The following CCL17 variants were observed in gnomAD, a reference collection of about 807,000 sequenced individuals.
The protein encoded by CCL17 is C-C motif chemokine 17.
In CCL17, 8 loss-of-function variants were observed where a neutral mutation model predicts 7.4. The observed-to-expected ratio is 1.09, with a 90% confidence interval of 0.64 to 1.96. The LOEUF is 1.96. CCL17 is among the 30% of genes most tolerant of loss of function. The probability of loss-of-function intolerance (pLI) is 0.00; values close to 1 mark genes in which losing one functional copy is unlikely to be tolerated. For missense variants in CCL17, 102 were observed against 113.0 expected (o/e 0.90, Z 0.44); for synonymous variants, 40 against 46.1 (o/e 0.87, Z 0.54).
intron 1 of CCL17, among the ~76,000 whole-genome samples, chr16:57,410,161 C>A (rs558870817): frequency 6.6e-6 from 1 of 152,212 alleles, no homozygotes; most frequent in Non-Finnish European, 1.5e-5. Flanking sequence ...GTTCCGCCCA[C>A]TGCCTCGGGG....
At chr16:57,401,176 G>A (rs11861641), upstream of CCL17, among the ~76,000 whole-genome samples, 848 of 152,120 alleles carry the variant, frequency 5.6e-3, 10 homozygotes, top group African/African-American at 0.019. Context: ...GTGTGATGCC[G>A]CAAGATGTGG....
At chr16:57,407,915 C>T (rs1260157959) in intron 1 of CCL17, among the ~76,000 whole-genome samples, 1 of 151,518 alleles carries the variant, frequency 6.6e-6, no homozygotes, top group African/African-American at 2.4e-5. Flanking sequence ...ATTCATCTAC[C>T]CATCCATCTA....
chr16:57,403,482 ATAATAAT>A (rs1203693709), upstream of CCL17, among the ~76,000 whole-genome samples: 2 of 2,010 alleles, frequency 1.0e-3, no homozygotes, highest in Non-Finnish European at 3.0e-3. Flanking sequence ...TATATATTAT[ATAATAAT>A]ATATATATTA....
chr16:57,409,930 C>T (rs1023346943), intron 1 of CCL17, among the ~76,000 whole-genome samples: 9 of 152,282 alleles, frequency 5.9e-5, no homozygotes, highest in African/African-American at 1.4e-4. Flanking sequence ...CAGCTGTCAG[C>T]GATGGAGATG....
At chr16:57,403,451 A>T (rs1902632909), upstream of CCL17, among the ~76,000 whole-genome samples, 1 of 10,768 alleles carries the variant, frequency 9.3e-5, no homozygotes, top group Non-Finnish European at 1.4e-4. Context: ...TATATATTAT[A>T]TTATAATATA....
chr16:57,404,932 G>C (rs1902672829), intron 1 of CCL17, 96 bp downstream of exon 1: 1 of 154,238 alleles, frequency 6.5e-6, no homozygotes, highest in African/African-American at 2.4e-5. Context: ...GCGGTGGATG[G>C]ACTTTGGATC....
At chr16:57,414,341 T>C (rs1902832320) in intron 2 of CCL17, among the ~76,000 whole-genome samples, 1 of 151,970 alleles carries the variant, frequency 6.6e-6, no homozygotes. Context: ...TATTAACAGG[T>C]TTTATGCACA....
At chr16:57,397,298 T>TA in the CCL17 span, among the ~76,000 whole-genome samples, 3 of 152,346 alleles carry the variant, frequency 2.0e-5, no homozygotes, top group Admixed American at 2.0e-4. Context: ...GTGTTCTCAA[T>TA]ACCCATATGA....
upstream of CCL17, among the ~76,000 whole-genome samples, chr16:57,404,561 C>G (rs555269531): frequency 6.6e-6 from 1 of 151,906 alleles, no homozygotes; most frequent in Non-Finnish European, 1.5e-5. Flanking sequence ...TTGGAGCTGC[C>G]TATTTGGTAT....
Position 57,413,926 on chromosome 16 carries a change from T to A in CCL17, c.-7T>A, listed in dbSNP as rs1281369204. ...ACACAGAGACTCCCTCCTGGGCTCC[T>A]GGCACCATGGCCCCACTGAAGATGC... On this transcript the variant is annotated 5_prime_UTR_variant, in exon 2 of 4. Coordinates refer to ENST00000219244, the MANE Select transcript of CCL17 (RefSeq NM_002987.3). 1 of 1,604,654 alleles carries A rather than the reference T, an allele frequency of 6.2e-7. No individual in the cohort carries two copies. The highest frequency in any genetic ancestry group is 1.1e-5 in the South Asian group (1 of 88,974).
the CCL17 span, among the ~76,000 whole-genome samples, chr16:57,398,717 C>A: frequency 6.6e-6 from 1 of 152,170 alleles, no homozygotes; most frequent in African/African-American, 2.4e-5. Flanking sequence ...CAGAGCTGGG[C>A]CTTCAATTTA....
At chr16:57,411,225 G>T (rs1217792485) in intron 1 of CCL17, among the ~76,000 whole-genome samples, 2 of 152,158 alleles carry the variant, frequency 1.3e-5, no homozygotes, top group Non-Finnish European at 2.9e-5. Context: ...CCTATGAGGG[G>T]TCAGGGCCTG....
upstream of CCL17, among the ~76,000 whole-genome samples, chr16:57,403,642 A>AATATAT: frequency 1.3e-5 from 1 of 76,776 alleles, no homozygotes; most frequent in East Asian, 3.6e-4. Flanking sequence ...ATATATTATA[A>AATATAT]ATATATATAA....
chr16:57,412,466 C>T (rs72792995), intron 1 of CCL17, among the ~76,000 whole-genome samples: 2,887 of 152,330 alleles, frequency 0.019, 37 homozygotes, highest in Non-Finnish European at 0.028. Flanking sequence ...CAGGTATCCC[C>T]AGAATCTAAA....
rs1902854465 is a variant in CCL17, at chr16:57,415,466, C to T, written c.188+268C>T. Among the ~76,000 whole-genome samples, 1 of 152,260 alleles carries T rather than the reference C, an allele frequency of 6.6e-6. No individual in the cohort carries two copies. Among genetic ancestry groups the T allele is most frequent in the Non-Finnish European group, 1.5e-5 (1 of 68,040 alleles). Reference sequence around the variant, plus strand: ...GGTCAGGGGCAATGTGGTCACCTCCCCCAGCCTGGGCCTGAGCCCTGCCCG... The same window carrying T: ...GGTCAGGGGCAATGTGGTCACCTCCTCCAGCCTGGGCCTGAGCCCTGCCCG... On this transcript the variant is annotated intron_variant, in intron 3 of 3. Coordinates refer to ENST00000219244, the MANE Select transcript of CCL17 (RefSeq NM_002987.3). This position sits in a 1 kb window ranked among gnomAD's most constrained non-coding sequence, Gnocchi z 4.5.
At chr16:57,399,242 C>A in the CCL17 span, among the ~76,000 whole-genome samples, 2 of 152,104 alleles carry the variant, frequency 1.3e-5, no homozygotes, top group Non-Finnish European at 2.9e-5. Context: ...GACCTGTTTC[C>A]AGGTGCTTAT....
chr16:57,412,364 T>C (rs1371132496), intron 1 of CCL17, among the ~76,000 whole-genome samples: 1 of 152,166 alleles, frequency 6.6e-6, no homozygotes, highest in East Asian at 1.9e-4. Context: ...TCGAGGGTCT[T>C]TGTCTGGTTT....
the CCL17 span, among the ~76,000 whole-genome samples, chr16:57,396,834 G>A: frequency 3.3e-5 from 5 of 152,182 alleles, no homozygotes; most frequent in South Asian, 1.0e-3. Flanking sequence ...GGTTGCATTG[G>A]ATGCATAAAG....
intron 1 of CCL17, among the ~76,000 whole-genome samples, chr16:57,410,006 G>A (rs28695417): frequency 0.22 from 33,533 of 152,162 alleles, 7,370 homozygotes; most frequent in African/African-American, 0.57. Context: ...CTGCCCTGAT[G>A]AGCCTCAGGT....
Sources: allele counts gnomAD v4.1 joint callset (sites outside exome capture counted in the v4.1 genomes callset), GRCh38; gene constraint gnomAD v4.1.1; non-coding constraint Gnocchi (gnomAD v3.1); transcripts MANE v1.5; gene names NCBI Gene and HGNC (gene_info 2026-07-23, HGNC 2026-07-21).